The following FADS1 variants were observed in gnomAD, a reference collection of about 807,000 sequenced individuals.
FADS1 encodes fatty acid desaturase 1.
A neutral mutation model predicts 61.6 loss-of-function variants in FADS1; 17 were observed. That is an observed-to-expected ratio of 0.28 (90% CI 0.19 to 0.41). The LOEUF (loss-of-function observed/expected upper bound fraction) is 0.41, where lower values mean the gene tolerates loss of function less well. FADS1 is among the 10% of genes least tolerant of loss of function. FADS1 has a pLI of 1.00. For synonymous variants in FADS1, 238 were observed against 258.7 expected (o/e 0.92, Z 0.77); for missense variants, 387 against 650.9 (o/e 0.59, Z 4.41).
rs1449319296 is a variant in FADS1 at position 61,816,724 on chromosome 11, G to A, written c.206C>T (p.Ala69Val). The change falls in exon 1 of 12, where the codon GCT (alanine) becomes GTT (valine). Residue 69 changes from alanine (A) to valine (V), a missense_variant. Ala to Val is a moderately conservative substitution (Grantham distance 64). Around this residue, in one of 2 missense-constraint regions of FADS1, gnomAD observed 130 missense variants for 117.7 expected, o/e 1.10. Transcript: ENST00000350997. This position sits in a 1 kb window ranked among gnomAD's most constrained non-coding sequence, Gnocchi z 7.0. ...GAAGTAGCGCGGGGTAGGTCCCTGAGCCGCGGTCTCGGCGGCCACCGGGTC... is the reference window on the plus strand; with the variant it reads ...GAAGTAGCGCGGGGTAGGTCCCTGAACCGCGGTCTCGGCGGCCACCGGGTC... ...APDPVAAETA[A>V]QGPTPRYFTW... 1.9e-6 allele frequency: 3 copies of A among 1,565,616 alleles called. No individual in the cohort carries two copies. Among genetic ancestry groups the A allele is most frequent in the Non-Finnish European group, 2.6e-6 (3 of 1,156,026 alleles).
At chr11:61,808,845 T>C (rs1316257817) in intron 5 of FADS1, among the ~76,000 whole-genome samples, 1 of 152,242 alleles carries the variant, frequency 6.6e-6, no homozygotes, top group Non-Finnish European at 1.5e-5. Context: ...TGGTCTGGTC[T>C]GGACTCGCTC....
At position 61,816,099 on chromosome 11, in the gene FADS1, C is replaced by T. The variant is rs2066979231; in HGVS notation, c.375+456G>A. 1.6e-6 allele frequency: 1 copy of T among 635,982 alleles called. No individual in the cohort carries two copies. Among genetic ancestry groups the T allele is most frequent in the South Asian group, 2.0e-5 (1 of 50,914 alleles). The allele number at this position is 635,982 out of a possible 1,614,324, so 39.4% of individuals were successfully genotyped here. On this transcript the variant is annotated intron_variant, in intron 1 of 11. Transcript: ENST00000350997. This position sits in a 1 kb window ranked among gnomAD's most constrained non-coding sequence, Gnocchi z 7.0. ...TCCGCTCCTGCTGGCGAGTGGAGAC[C>T]GGCACCTAGGTCCAGACGCGGCTGC...
intron 5 of FADS1, among the ~76,000 whole-genome samples, chr11:61,808,215 A>G (rs981636256): frequency 2.6e-5 from 4 of 152,108 alleles, no homozygotes; most frequent in Admixed American, 6.5e-5. Context: ...ACGCACCTGT[A>G]GTCCCAGCTA....
At chr11:61,804,942 C>T (rs1384113074) in intron 6 of FADS1, 181 bp from the exon 7 acceptor site, 4 of 600,668 alleles carry the variant, frequency 6.7e-6, no homozygotes, top group Non-Finnish European at 1.2e-5. Flanking sequence ...TGAAGGTGGG[C>T]ATAAATCCAA....
At position 61,800,930 on chromosome 11, in the gene FADS1, T is replaced by C. The variant is rs2066851930; in HGVS notation, c.*1481A>G. ...AAACCAGATGATTAAAAAGTTACAT[T>C]TTAGTATTATACTGATAGGAATATA... On this transcript the variant is annotated 3_prime_UTR_variant, in exon 12 of 12. Transcript: ENST00000350997. The C allele has an allele frequency of 6.6e-6, 1 of 152,340 alleles. No individual in the cohort carries two copies. The highest frequency in any genetic ancestry group is 2.1e-4 in the South Asian group (1 of 4,836). The allele number at this position is 152,340 out of a possible 1,614,324, so 9.4% of individuals were successfully genotyped here.
intron 6 of FADS1, chr11:61,805,597 C>T (rs919819905): frequency 6.6e-6 from 1 of 152,206 alleles, no homozygotes; most frequent in African/African-American, 2.4e-5. Context: ...TCGCCTTTCT[C>T]TATTCGTGAT....
In FADS1 at chr11:61,816,860, C is replaced by G; in HGVS notation, c.70G>C (p.Ala24Pro). 1 of 1,480,626 alleles carries G rather than the reference C, an allele frequency of 6.8e-7. No individual in the cohort carries two copies. Among genetic ancestry groups the G allele is most frequent in the South Asian group, 1.3e-5 (1 of 77,502 alleles). The allele number at this position is 1,480,626 out of a possible 1,614,324, so 91.7% of individuals were successfully genotyped here. A position where few individuals can be genotyped will look rare whatever the true frequency, so the allele number is the denominator to read the frequency against. ...GAENPARRRLALGARQQIHSW... is the reference protein window; with the variant it reads ...GAENPARRRLPLGARQQIHSW... ...TGGATTTGCTGGCGCGCGCCCAGAG[C>G]CAGCCGCCTGCGCGCCGGGTTTTCA... The change falls in exon 1 of 12, where the codon GCT (alanine) becomes CCT (proline). Residue 24 changes from alanine to proline, a missense_variant. By Grantham distance (27) the Ala-to-Pro change is conservative. This residue lies in a region of FADS1 where 130 missense variants were observed against 117.7 expected (regional missense o/e 1.10). Transcript: ENST00000350997. This position sits in a 1 kb window ranked among gnomAD's most constrained non-coding sequence, Gnocchi z 7.0.
At chr11:61,812,809 T>C in intron 2 of FADS1, 141 bp from the exon 3 acceptor site, 1 of 702,520 alleles carries the variant, frequency 1.4e-6, no homozygotes, top group Non-Finnish European at 2.5e-6. Context: ...ACCACGACAA[T>C]GAGGATGACA....
At position 61,800,052 on chromosome 11, in the gene FADS1, A is replaced by C. The variant is rs2066843881; in HGVS notation, c.*2359T>G. The C allele has an allele frequency of 6.5e-6, 1 of 152,832 alleles. No homozygotes were observed. The highest frequency in any genetic ancestry group is 2.4e-5 in the African/African-American group (1 of 41,466). 9.5% of individuals were successfully genotyped at this position (152,832 alleles called of 1,614,324 possible). On this transcript the variant is annotated 3_prime_UTR_variant, in exon 12 of 12. Transcript: ENST00000350997. ...TCACTGGTGTTTGCTCAGATTGGGC[A>C]GCCTATGCCCAAAGCTACTTGGCTA...
In FADS1 at chr11:61,808,745, T is replaced by C. The variant is rs1397600071; in HGVS notation, c.915+2006A>G. Among the ~76,000 whole-genome samples the C allele has an allele frequency of 1.3e-5, 2 of 152,316 alleles. 1 individual carries two copies. Among genetic ancestry groups the C allele is most frequent in the South Asian group, 4.1e-4 (2 of 4,824 alleles). On this transcript the variant is annotated intron_variant, in intron 5 of 11. Transcript: ENST00000350997. Reference sequence around the variant, plus strand: ...GTTAATGTTGCTCGAGATGGGGTGATTCTCACCACCACATCCAGGTCCTCA... The same window carrying C: ...GTTAATGTTGCTCGAGATGGGGTGACTCTCACCACCACATCCAGGTCCTCA...
intron 6 of FADS1, 175 bp from the exon 7 acceptor site, chr11:61,804,936 G>A (rs891656869): frequency 3.3e-6 from 2 of 610,126 alleles, no homozygotes; most frequent in African/African-American, 3.7e-5. Flanking sequence ...AGGCACTGAA[G>A]GTGGGCATAA....
At chr11:61,813,896 A>G (rs174557) in intron 1 of FADS1, among the ~76,000 whole-genome samples, 38,023 of 139,422 alleles carry the variant, frequency 0.27, 6,551 homozygotes, top group East Asian at 0.56. Flanking sequence ...ACCCCGGGGG[A>G]GGGCGGAGCC....
At chr11:61,810,261 AAGTACTC>A (rs1358339868) in intron 5 of FADS1, among the ~76,000 whole-genome samples, 2 of 152,220 alleles carry the variant, frequency 1.3e-5, no homozygotes, top group Non-Finnish European at 2.9e-5. Context: ...GGGTGGGAAG[AAGTACTC>A]AGTGAATGAA....
Position 61,803,760 on chromosome 11 carries a change from G to A in FADS1, c.1061C>T (p.Ala354Val), listed in dbSNP as rs1265444092. Residue 354 changes from alanine to valine, a missense_variant, in exon 8 of 12, where the codon GCC becomes GTC. Physicochemically the swap from Ala to Val is moderately conservative, Grantham distance 64. This residue lies in a region of FADS1 where 257 missense variants were observed against 533.3 expected (regional missense o/e 0.48). Coordinates refer to ENST00000350997, the MANE Select transcript of FADS1 (RefSeq NM_013402.7). This position sits in a 1 kb window ranked among gnomAD's most constrained non-coding sequence, Gnocchi z 4.3. ...VIQRKKWVDL[A>V]WMITFYVRFF... ...GCGGACGTAGAAGGTAATCATCCAGGCCAAGTCCTATAGTGAGAAAAGCAG... is the reference window on the plus strand; with the variant it reads ...GCGGACGTAGAAGGTAATCATCCAGACCAAGTCCTATAGTGAGAAAAGCAG... The A allele has an allele frequency of 3.7e-6, 6 of 1,612,958 alleles. No individual in the cohort carries two copies. The African/African-American group carries it at 5.3e-5, about 14-fold the overall frequency.
intron 3 of FADS1, among the ~76,000 whole-genome samples, chr11:61,811,469 A>AT (rs1178300609): frequency 2.0e-5 from 3 of 151,540 alleles, no homozygotes; most frequent in Non-Finnish European, 4.4e-5. Context: ...AGCCTGGCTG[A>AT]TTTTTTTGTA....
Position 61,803,068 on chromosome 11 carries a change from C to G in FADS1, c.1292G>C (p.Trp431Ser). The G allele has an allele frequency of 6.2e-7, 1 of 1,614,158 alleles. No homozygotes were observed. Among genetic ancestry groups the G allele is most frequent in the Non-Finnish European group, 8.5e-7 (1 of 1,180,040 alleles). Reference protein sequence around the residue: ...CNVHKSAFNDWFSGHLNFQIE... With the variant: ...CNVHKSAFNDSFSGHLNFQIE... ...CTGGAAGTTGAGGTGTCCACTGAAC[C>G]AGTCATTGAAGGCAGACTTGTGGAC... The change falls in exon 10 of 12, where the codon TGG becomes TCG. Residue 431 changes from tryptophan (W) to serine (S), a missense_variant. Trp to Ser is a radical substitution (Grantham distance 177). Transcript: ENST00000350997. The surrounding 1 kb of genome is among the most constrained non-coding windows in gnomAD (Gnocchi z 4.3).
chr11:61,812,749 G>A (rs1327576980), intron 2 of FADS1, 81 bp from the exon 3 acceptor site: 2 of 1,298,480 alleles, frequency 1.5e-6, no homozygotes, highest in Non-Finnish European at 2.2e-6. Flanking sequence ...TCAGGCTCAA[G>A]GACCTCCCAC....
rs1012431874 is a variant in FADS1 at position 61,815,286 on chromosome 11, G to T, written c.375+1269C>A. On this transcript the variant is annotated intron_variant, in intron 1 of 11. Coordinates refer to ENST00000350997, the MANE Select transcript of FADS1 (RefSeq NM_013402.7). The surrounding 1 kb of genome is among the most constrained non-coding windows in gnomAD (Gnocchi z 6.4). ...AAGCTCCAGCGTTGGTGCCTGTTTCGTCTGCGCATGCGCCGGGACACGCCT... is the reference window on the plus strand; with the variant it reads ...AAGCTCCAGCGTTGGTGCCTGTTTCTTCTGCGCATGCGCCGGGACACGCCT... 1 of 164,920 alleles carries T rather than the reference G, an allele frequency of 6.1e-6. No individual in the cohort carries two copies. 10.2% of individuals were successfully genotyped at this position (164,920 alleles called of 1,614,324 possible). A position where few individuals can be genotyped will look rare whatever the true frequency, so the allele number is the denominator to read the frequency against.
At chr11:61,813,426 C>CG (rs2066945947) in intron 1 of FADS1, 73 bp from the exon 2 acceptor site, 1 of 845,992 alleles carries the variant, frequency 1.2e-6, no homozygotes, top group Non-Finnish European at 2.0e-6. Context: ...GCACCAAAGG[C>CG]CATCCTCCTG....
Sources: allele counts gnomAD v4.1 joint callset (sites outside exome capture counted in the v4.1 genomes callset), GRCh38; gene constraint gnomAD v4.1.1; regional missense constraint gnomAD v4.1.1; non-coding constraint Gnocchi (gnomAD v3.1); transcripts MANE v1.5; gene names NCBI Gene and HGNC (gene_info 2026-07-23, HGNC 2026-07-21).